The following ADAMTS6 variants were observed in gnomAD, a reference collection of about 807,000 sequenced individuals.
ADAMTS6 encodes the protein ADAM metallopeptidase with thrombospondin type 1 motif 6.
ADAMTS6 carries 23 observed loss-of-function variants against 144.3 expected under a neutral mutation model. The ratio of observed to expected loss-of-function variants is 0.16; its 90% CI spans 0.11 to 0.23. ADAMTS6 has a LOEUF of 0.23. Ranked by LOEUF, ADAMTS6 falls within the 10% of genes least tolerant of loss-of-function variation. The pLI is 1.00. For missense variants in ADAMTS6, 999 were observed against 1,379.6 expected (o/e 0.72, Z 4.37); for synonymous variants, 444 against 457.5 (o/e 0.97, Z 0.38).
intron 7 of ADAMTS6, among the ~76,000 whole-genome samples, chr5:65,343,512 C>G (rs1046240137): frequency 6.6e-6 from 1 of 152,028 alleles, no homozygotes; most frequent in Non-Finnish European, 1.5e-5. Context: ...TGAAACCAGA[C>G]CCCCACTTCT....
At chr5:65,289,057 C>T (rs1056369157) in intron 11 of ADAMTS6, among the ~76,000 whole-genome samples, 2 of 152,132 alleles carry the variant, frequency 1.3e-5, no homozygotes, top group African/African-American at 4.8e-5. Context: ...ACAAATAACA[C>T]AAGCATTTTC....
At chr5:65,327,315 G>C (rs1746266611) in intron 9 of ADAMTS6, among the ~76,000 whole-genome samples, 4 of 152,034 alleles carry the variant, frequency 2.6e-5, no homozygotes, top group African/African-American at 9.7e-5. Context: ...CTCAGACTTA[G>C]GTATTCCTTT....
chr5:65,408,551 G>A (rs28838910), intron 7 of ADAMTS6, among the ~76,000 whole-genome samples: 56 of 152,218 alleles, frequency 3.7e-4, no homozygotes, highest in South Asian at 1.5e-3. Context: ...ATAATAATGG[G>A]AGACTTTAAC....
chr5:65,156,878 G>C (rs775544880), intron 24 of ADAMTS6, among the ~76,000 whole-genome samples: 14 of 152,166 alleles, frequency 9.2e-5, no homozygotes, highest in Non-Finnish European at 4.4e-5. Context: ...TGAGGATATT[G>C]GAAAGGTAAG....
At chr5:65,319,399 G>C (rs891879048) in intron 9 of ADAMTS6, among the ~76,000 whole-genome samples, 2 of 151,086 alleles carry the variant, frequency 1.3e-5, no homozygotes, top group East Asian at 1.9e-4. Context: ...GAGCAAACAG[G>C]CTAGGTGTGG....
chr5:65,225,031 T>G lies in ADAMTS6; in HGVS notation c.2084A>C (p.Asn695Thr), dbSNP rs1390956700. ...NGECKHVGCD[N>T]ILGSDAREDR... ...TTCCCTAGCATCAGATCCCAAAATA[T>G]TATCACAGCCTACGTGCTGAAAACA... Residue 695 changes from asparagine to threonine, a missense_variant, in exon 17 of 25, where the codon AAT becomes ACT. Around this residue, in one of 3 missense-constraint regions of ADAMTS6, gnomAD observed 619 missense variants for 837.0 expected, o/e 0.74. Coordinates refer to ENST00000381055, the MANE Select transcript of ADAMTS6 (RefSeq NM_197941.4). 1.2e-6 allele frequency: 2 copies of G among 1,613,966 alleles called. No homozygotes were observed. Among genetic ancestry groups the G allele is most frequent in the South Asian group, 2.2e-5 (2 of 91,046 alleles).
chr5:65,324,948 T>C (rs1473317048), intron 9 of ADAMTS6, among the ~76,000 whole-genome samples: 1 of 152,160 alleles, frequency 6.6e-6, no homozygotes. Flanking sequence ...GTGATATGGA[T>C]TACTATTCAG....
chr5:65,375,716 A>C (rs1173127359), intron 7 of ADAMTS6, among the ~76,000 whole-genome samples: 1 of 152,134 alleles, frequency 6.6e-6, no homozygotes, highest in Non-Finnish European at 1.5e-5. Flanking sequence ...TTCCTCAGGG[A>C]TCTAGAACTA....
At position 65,452,842 on chromosome 5, in the gene ADAMTS6, T is replaced by C; in HGVS notation, c.708A>G (p.Thr236=). ...TVSYSLPINN[T]HIHHRQKRSV... The stretch of plus-strand genomic sequence containing the variant: ...ATCTCTTCTGTCTGTGGTGGATATG[T>C]GTGTTGTTAATTGGTAGTGAATAAG... Residue 236 remains threonine (T), a synonymous_variant, in exon 5 of 25, where the codon ACA becomes ACG. Transcript: ENST00000381055. The C allele has an allele frequency of 6.2e-7, 1 of 1,614,106 alleles. No homozygotes were observed. Among genetic ancestry groups the C allele is most frequent in the African/African-American group, 1.3e-5 (1 of 75,066 alleles).
rs537343964 is a variant in ADAMTS6, at chr5:65,170,713, C to G, written c.3148G>C (p.Gly1050Arg). The G allele has an allele frequency of 1.2e-5, 19 of 1,613,968 alleles. No individual in the cohort carries two copies. The highest frequency in any genetic ancestry group is 1.5e-5 in the Non-Finnish European group (18 of 1,179,990). ...MRTVQCLSYT[G>R]QASSDCLETV... ...TCTAGACAGTCACTAGATGCCTGTC[C>G]GGTGTAGGAGAGACACTGCACAGTT... Residue 1050 changes from glycine (G) to arginine (R), a missense_variant, in exon 24 of 25, where the codon GGA becomes CGA. Transcript: ENST00000381055.
At chr5:65,269,543 T>C (rs571732756) in intron 12 of ADAMTS6, among the ~76,000 whole-genome samples, 6 of 152,242 alleles carry the variant, frequency 3.9e-5, no homozygotes, top group East Asian at 1.9e-4. Context: ...AAATTTCTCA[T>C]GTGAAGATAA....
intron 7 of ADAMTS6, among the ~76,000 whole-genome samples, chr5:65,408,649 C>T (rs1238671005): frequency 6.6e-6 from 1 of 152,146 alleles, no homozygotes; most frequent in Non-Finnish European, 1.5e-5. Flanking sequence ...CCAAGCAGAC[C>T]TAATAGACAT....
intron 7 of ADAMTS6, among the ~76,000 whole-genome samples, chr5:65,431,825 C>T (rs1347407123): frequency 3.3e-5 from 5 of 151,888 alleles, no homozygotes; most frequent in South Asian, 2.1e-4. Flanking sequence ...ATTAAGCAAA[C>T]GGATATACAA....
At chr5:65,170,918 C>G in intron 23 of ADAMTS6, 145 bp from the exon 24 acceptor site, 1 of 811,246 alleles carries the variant, frequency 1.2e-6, no homozygotes, top group South Asian at 2.1e-5. Flanking sequence ...GTTGGCCAGG[C>G]TGGTCTCGAA....
chr5:65,280,240 T>C lies in ADAMTS6; in HGVS notation c.1513-6793A>G, dbSNP rs149813570. On this transcript the variant is annotated intron_variant, in intron 11 of 24. Coordinates refer to ENST00000381055, the MANE Select transcript of ADAMTS6 (RefSeq NM_197941.4). ...AATCTCTGTGGTTTGTAATGCTTCC[T>C]TCTTAGAGACATTGGCTTTTGAGGA... Among the ~76,000 whole-genome samples the C allele has an allele frequency of 3.9e-5, 6 of 152,368 alleles. No homozygotes were observed. In the South Asian group the frequency reaches 6.2e-4, roughly 16 times the overall value.
intron 3 of ADAMTS6, among the ~76,000 whole-genome samples, chr5:65,461,029 G>C (rs1265932156): frequency 6.6e-6 from 1 of 152,180 alleles, no homozygotes; most frequent in Non-Finnish European, 1.5e-5. Context: ...TGAAGTAACA[G>C]GCTCAGAGGA....
At chr5:65,263,961 T>C (rs1308207620) in intron 12 of ADAMTS6, among the ~76,000 whole-genome samples, 3 of 152,168 alleles carry the variant, frequency 2.0e-5, no homozygotes, top group African/African-American at 7.2e-5. Context: ...GATCATGATG[T>C]GGTACTTAGA....
At chr5:65,279,448 C>G (rs1762819452) in intron 11 of ADAMTS6, among the ~76,000 whole-genome samples, 1 of 152,166 alleles carries the variant, frequency 6.6e-6, no homozygotes, top group Non-Finnish European at 1.5e-5. Flanking sequence ...TCCTGAGTAG[C>G]TGGGATTACA....
At chr5:65,318,833 T>G (rs187981777) in intron 9 of ADAMTS6, among the ~76,000 whole-genome samples, 21 of 152,268 alleles carry the variant, frequency 1.4e-4, no homozygotes, top group Admixed American at 1.0e-3. Flanking sequence ...GCAGGGTGGC[T>G]ATAATCAATA....
Sources: allele counts gnomAD v4.1 joint callset (sites outside exome capture counted in the v4.1 genomes callset), GRCh38; gene constraint gnomAD v4.1.1; regional missense constraint gnomAD v4.1.1; transcripts MANE v1.5; gene names NCBI Gene and HGNC (gene_info 2026-07-23, HGNC 2026-07-21).